PCDH9: variants seen among roughly 807,000 people sequenced by gnomAD.
The protein encoded by PCDH9 is protocadherin 9.
Under a neutral mutation model 70.6 loss-of-function variants are expected in PCDH9, and 24 were observed. The ratio of observed to expected loss-of-function variants is 0.34; its 90% CI spans 0.25 to 0.48. The LOEUF (loss-of-function observed/expected upper bound fraction) is 0.48. Ranked by LOEUF, PCDH9 falls within the 20% of genes least tolerant of loss-of-function variation. The probability of loss-of-function intolerance (pLI) is 0.99; values close to 1 mark genes in which losing one functional copy is unlikely to be tolerated. For missense variants in PCDH9, 1,281 were observed against 1,503.6 expected (o/e 0.85, Z 2.45); for synonymous variants, 562 against 558.5 (o/e 1.01, Z -0.09).
intron 4 of PCDH9, among the ~76,000 whole-genome samples, chr13:66,419,913 G>C (rs570290791): frequency 1.3e-5 from 2 of 152,236 alleles, no homozygotes; most frequent in African/African-American, 4.8e-5. Flanking sequence ...AGCAAGCTAA[G>C]ATCCACTGGC....
chr13:67,108,066 T>C (rs183481803), intron 2 of PCDH9, among the ~76,000 whole-genome samples: 73 of 152,308 alleles, frequency 4.8e-4, no homozygotes, highest in Non-Finnish European at 8.5e-4. Flanking sequence ...AATGCCTGGC[T>C]ATGCACAGTG....
intron 2 of PCDH9, among the ~76,000 whole-genome samples, chr13:66,989,606 T>C (rs2083961632): frequency 6.6e-6 from 1 of 151,902 alleles, no homozygotes; most frequent in Non-Finnish European, 1.5e-5. Context: ...CAGGAAGACT[T>C]TCATCTCAGC....
At chr13:66,557,572 G>A (rs117825489) in intron 4 of PCDH9, among the ~76,000 whole-genome samples, 3,184 of 152,024 alleles carry the variant, frequency 0.021, 94 homozygotes, top group Admixed American at 0.073. Context: ...CTTTCTCTTC[G>A]CTGTAACAGA....
chr13:66,943,816 T>C (rs985143022), intron 2 of PCDH9, among the ~76,000 whole-genome samples: 2 of 152,112 alleles, frequency 1.3e-5, no homozygotes, highest in African/African-American at 2.4e-5. Context: ...ACTGTAGATA[T>C]ACGTTGCTTT....
chr13:66,905,323 T>C (rs1370775154), intron 2 of PCDH9, among the ~76,000 whole-genome samples: 2 of 152,128 alleles, frequency 1.3e-5, no homozygotes, highest in African/African-American at 4.8e-5. Flanking sequence ...GTTTCATGTA[T>C]CATATAGTTT....
chr13:67,161,837 A>G (rs907613465), intron 2 of PCDH9, among the ~76,000 whole-genome samples: 6 of 152,210 alleles, frequency 3.9e-5, no homozygotes, highest in African/African-American at 1.4e-4. Context: ...TTAGTCTCCC[A>G]ACTACAGATA....
At chr13:67,074,098 T>TTATC (rs142323334) in intron 2 of PCDH9, among the ~76,000 whole-genome samples, 1,759 of 151,516 alleles carry the variant, frequency 0.012, 15 homozygotes, top group Non-Finnish European at 0.018. Flanking sequence ...TGTCTGTCTA[T>TTATC]TATCTATCTA....
At chr13:66,449,009 T>C (rs1958151847) in intron 4 of PCDH9, among the ~76,000 whole-genome samples, 1 of 152,146 alleles carries the variant, frequency 6.6e-6, no homozygotes, top group South Asian at 2.1e-4. Context: ...GTGAGAAGCC[T>C]TTGATATAAA....
At chr13:67,086,154 T>G (rs2086103758) in intron 2 of PCDH9, among the ~76,000 whole-genome samples, 1 of 152,180 alleles carries the variant, frequency 6.6e-6, no homozygotes, top group Non-Finnish European at 1.5e-5. Flanking sequence ...GATTTTATTC[T>G]TTATGTATAA....
At chr13:66,942,483 G>A (rs551363899) in intron 2 of PCDH9, among the ~76,000 whole-genome samples, 54 of 151,986 alleles carry the variant, frequency 3.6e-4, no homozygotes, top group African/African-American at 1.3e-3. Flanking sequence ...TAACAAATAA[G>A]TGACATTGCT....
chr13:66,733,572 C>A (rs375313577), intron 3 of PCDH9, among the ~76,000 whole-genome samples: 21 of 152,102 alleles, frequency 1.4e-4, no homozygotes, highest in African/African-American at 3.4e-4. Context: ...CCATATAGAT[C>A]TCAATTTCTC....
intron 3 of PCDH9, among the ~76,000 whole-genome samples, chr13:66,838,151 T>C (rs1303777142): frequency 3.9e-5 from 6 of 152,098 alleles, no homozygotes; most frequent in Non-Finnish European, 8.8e-5. Flanking sequence ...TTCTATAATA[T>C]TTTTTTCTCC....
intron 4 of PCDH9, among the ~76,000 whole-genome samples, chr13:66,370,513 AT>A (rs34902558): frequency 0.016 from 2,109 of 129,168 alleles, 22 homozygotes; most frequent in East Asian, 0.033. Context: ...TTATGTATTC[AT>A]TTTTTTTTTT....
chr13:66,334,841 C>A (rs1329814540), intron 4 of PCDH9, among the ~76,000 whole-genome samples: 1 of 152,014 alleles, frequency 6.6e-6, no homozygotes, highest in Non-Finnish European at 1.5e-5. Context: ...AAGGCATGAA[C>A]TTTTATATTT....
At chr13:66,984,575 A>T (rs941241448) in intron 2 of PCDH9, among the ~76,000 whole-genome samples, 1 of 152,168 alleles carries the variant, frequency 6.6e-6, no homozygotes, top group Non-Finnish European at 1.5e-5. Context: ...AAATATTTGG[A>T]TCTGATGAAT....
At chr13:66,608,636 G>A (rs2077252083) in intron 4 of PCDH9, among the ~76,000 whole-genome samples, 2 of 151,724 alleles carry the variant, frequency 1.3e-5, no homozygotes, top group African/African-American at 4.8e-5. Flanking sequence ...CACCCTAAAG[G>A]CTAATAGAAG....
chr13:66,469,824 A>C (rs75374002), intron 4 of PCDH9, among the ~76,000 whole-genome samples: 1,987 of 152,004 alleles, frequency 0.013, 38 homozygotes, highest in African/African-American at 0.044. Context: ...AGTTTCACCC[A>C]TTCCCTTTTT....
intron 3 of PCDH9, among the ~76,000 whole-genome samples, chr13:66,637,926 A>C (rs925913198): frequency 6.6e-6 from 1 of 152,062 alleles, no homozygotes; most frequent in South Asian, 2.1e-4. Context: ...AAAAAAAAAA[A>C]AGAAATTTAA....
intron 4 of PCDH9, among the ~76,000 whole-genome samples, chr13:66,507,240 A>C (rs1959233773): frequency 6.6e-6 from 1 of 152,182 alleles, no homozygotes; most frequent in South Asian, 2.1e-4. Context: ...AGTGAAATTA[A>C]ATATTCATTC....
Sources: gnomAD v4.1 joint callset for allele counts (sites outside exome capture counted in the v4.1 genomes callset) on GRCh38, gnomAD v4.1.1 for gene constraint, MANE v1.5 for transcripts, NCBI Gene and HGNC (gene_info 2026-07-23, HGNC 2026-07-21) for gene names.